DENND1A: variants seen among roughly 807,000 people sequenced by gnomAD.
The protein encoded by DENND1A is DENN domain-containing protein 1A.
A neutral mutation model predicts 113.7 loss-of-function variants in DENND1A; 51 were observed. The ratio of observed to expected loss-of-function variants is 0.45; its 90% CI spans 0.36 to 0.57. The LOEUF (loss-of-function observed/expected upper bound fraction) is 0.57, where lower values mean the gene tolerates loss of function less well. Ranked by LOEUF, DENND1A falls within the 20% of genes least tolerant of loss-of-function variation. The pLI is 0.00. For synonymous variants in DENND1A, 565 were observed against 570.8 expected, an observed-to-expected ratio of 0.99 and a Z score of 0.14; for missense variants, 1,258 against 1,395.9, an observed-to-expected ratio of 0.90 and a Z score of 1.57.
At chr9:123,707,091 T>C (rs1262011476) in intron 5 of DENND1A, among the ~76,000 whole-genome samples, 1 of 151,864 alleles carries the variant, frequency 6.6e-6, no homozygotes, top group Non-Finnish European at 1.5e-5. Flanking sequence ...GGAGTAAATA[T>C]ATTTAAAGAA....
At chr9:123,788,390 G>A (rs1157314100) in intron 3 of DENND1A, among the ~76,000 whole-genome samples, 1 of 151,984 alleles carries the variant, frequency 6.6e-6, no homozygotes, top group African/African-American at 2.4e-5. Flanking sequence ...GACCAAAGAT[G>A]GGATTTTGAT....
chr9:123,805,159 C>T (rs1246062423), intron 2 of DENND1A, among the ~76,000 whole-genome samples: 1 of 152,098 alleles, frequency 6.6e-6, no homozygotes, highest in Non-Finnish European at 1.5e-5. Flanking sequence ...GTGGCCTTCC[C>T]TAATCACCTT....
chr9:123,806,198 C>A (rs7048312), intron 2 of DENND1A, among the ~76,000 whole-genome samples: 3,583 of 152,250 alleles, frequency 0.024, 156 homozygotes, highest in African/African-American at 0.081. Flanking sequence ...AAGGGATCCA[C>A]CCGCCTCAGC....
At chr9:123,439,161 G>T (rs1201122317) in intron 19 of DENND1A, among the ~76,000 whole-genome samples, 4 of 152,220 alleles carry the variant, frequency 2.6e-5, no homozygotes, top group African/African-American at 9.7e-5. Flanking sequence ...GCTCTTCAGG[G>T]GAGCAGACAC....
At chr9:123,508,998 A>G (rs977452086) in intron 13 of DENND1A, among the ~76,000 whole-genome samples, 1 of 152,220 alleles carries the variant, frequency 6.6e-6, no homozygotes, top group Non-Finnish European at 1.5e-5. Context: ...ATACAAAATC[A>G]GCCTCTAGAA....
chr9:123,437,603 C>T (rs569706965), intron 19 of DENND1A: 1 of 152,332 alleles, frequency 6.6e-6, no homozygotes, highest in South Asian at 2.1e-4. Flanking sequence ...TTTGCCAGGG[C>T]AGGGTACAGT....
At chr9:123,390,705 TGGA>T (rs1161130569) in intron 21 of DENND1A, among the ~76,000 whole-genome samples, 1 of 152,084 alleles carries the variant, frequency 6.6e-6, no homozygotes, top group Non-Finnish European at 1.5e-5. Flanking sequence ...GGCCAAGAAG[TGGA>T]GAACAGGGAC....
intron 2 of DENND1A, among the ~76,000 whole-genome samples, chr9:123,852,540 A>C (rs1281399865): frequency 6.6e-6 from 1 of 152,204 alleles, no homozygotes; most frequent in Admixed American, 6.5e-5. Context: ...AGTCCTTCAA[A>C]GACTTGTTTG....
At chr9:123,688,739 T>A (rs1413521867) in intron 5 of DENND1A, among the ~76,000 whole-genome samples, 2 of 152,096 alleles carry the variant, frequency 1.3e-5, no homozygotes. Context: ...CACCCAAAGC[T>A]ACAACATAAA....
chr9:123,694,414 G>C (rs537011610), intron 5 of DENND1A, among the ~76,000 whole-genome samples: 1 of 152,244 alleles, frequency 6.6e-6, no homozygotes, highest in South Asian at 2.1e-4. Context: ...GCTCTAAACT[G>C]TTTAACTCTC....
At chr9:123,608,499 A>G (rs903289245) in intron 11 of DENND1A, among the ~76,000 whole-genome samples, 1 of 152,120 alleles carries the variant, frequency 6.6e-6, no homozygotes, top group African/African-American at 2.4e-5. Flanking sequence ...GCTCTAGTAC[A>G]AATTAAAACT....
intron 13 of DENND1A, among the ~76,000 whole-genome samples, chr9:123,537,220 T>C (rs2055853472): frequency 1.3e-5 from 2 of 152,066 alleles, no homozygotes; most frequent in Admixed American, 1.3e-4. Context: ...ATGAAAACTC[T>C]TTTCAGAAAT....
intron 8 of DENND1A, among the ~76,000 whole-genome samples, chr9:123,662,155 G>C (rs1009601234): frequency 4.6e-5 from 7 of 152,214 alleles, no homozygotes; most frequent in Non-Finnish European, 7.3e-5. Flanking sequence ...ACAGGAATCG[G>C]AATGGCTGAG....
At chr9:123,711,140 A>C (rs2066558951) in intron 5 of DENND1A, among the ~76,000 whole-genome samples, 1 of 152,230 alleles carries the variant, frequency 6.6e-6, no homozygotes, top group Admixed American at 6.5e-5. Context: ...CATGCTACAC[A>C]GTATAAATAT....
At chr9:123,488,623 G>A (rs2051091187) in intron 13 of DENND1A, among the ~76,000 whole-genome samples, 1 of 152,116 alleles carries the variant, frequency 6.6e-6, no homozygotes, top group African/African-American at 2.4e-5. Flanking sequence ...GTCCTTAGGG[G>A]GCCTCCCCAC....
chr9:123,412,921 T>A (rs1243982348), intron 19 of DENND1A, among the ~76,000 whole-genome samples: 1 of 152,182 alleles, frequency 6.6e-6, no homozygotes, highest in African/African-American at 2.4e-5. Flanking sequence ...CGTTAAGATG[T>A]GCTCTAAATC....
intron 21 of DENND1A, among the ~76,000 whole-genome samples, chr9:123,399,153 C>T (rs949526153): frequency 7.2e-5 from 11 of 152,168 alleles, no homozygotes; most frequent in African/African-American, 1.4e-4. Flanking sequence ...CTGCCGTAGC[C>T]GTCGTCCCCA....
chr9:123,784,080 C>CA lies in DENND1A; in HGVS notation c.132+8506dup, dbSNP rs573544769. The stretch of plus-strand genomic sequence containing the variant: ...TATTTCAACCAAAAGCCAGTTTGGA[C>CA]AAAAAATATACAGGAGAGGAAAAGC... On this transcript the variant is annotated intron_variant, in intron 3 of 23. Coordinates refer to ENST00000394215, the MANE Select transcript of DENND1A (RefSeq NM_001352964.2). 1.3e-3 allele frequency among the ~76,000 whole-genome samples: 197 copies of CA among 152,060 alleles called. 5 individuals are homozygous for CA. In the South Asian group the frequency reaches 0.024, roughly 19 times the overall value.
chr9:123,579,245 A>C (rs2058772271), intron 12 of DENND1A, among the ~76,000 whole-genome samples: 1 of 152,232 alleles, frequency 6.6e-6, no homozygotes, highest in African/African-American at 2.4e-5. Context: ...GTGGAAATTA[A>C]GTCTTAGAGA....
Sources: allele counts gnomAD v4.1 joint callset (sites outside exome capture counted in the v4.1 genomes callset), GRCh38; gene constraint gnomAD v4.1.1; transcripts MANE v1.5; gene names NCBI Gene and HGNC (gene_info 2026-07-23, HGNC 2026-07-21).